Variants in ZBTB7C observed in about 807,000 individuals in gnomAD.
ZBTB7C encodes the protein zinc finger and BTB domain-containing protein 7C.
ZBTB7C carries 8 observed loss-of-function variants against 25.7 expected under a neutral mutation model. The ratio of observed to expected loss-of-function variants is 0.31; its 90% CI spans 0.18 to 0.56. The LOEUF (loss-of-function observed/expected upper bound fraction) is 0.56. Among genes scored for constraint, ZBTB7C ranks in the 20% least tolerant of loss-of-function variants. The pLI, the probability that ZBTB7C is intolerant of heterozygous loss-of-function variation, is 0.91. For missense variants in ZBTB7C, 824 were observed against 855.2 expected, an observed-to-expected ratio of 0.96 and a Z score of 0.46; for synonymous variants, 394 against 369.0, an observed-to-expected ratio of 1.07 and a Z score of -0.78.
intron 3 of ZBTB7C, among the ~76,000 whole-genome samples, chr18:48,062,993 T>G (rs1054302393): frequency 6.6e-6 from 1 of 152,222 alleles, no homozygotes; most frequent in Admixed American, 6.5e-5. Flanking sequence ...ATCAGTGGGA[T>G]GGAGAAAGTC....
intron 2 of ZBTB7C, among the ~76,000 whole-genome samples, chr18:48,336,591 G>T (rs1261742616): frequency 6.6e-6 from 1 of 152,110 alleles, no homozygotes; most frequent in Non-Finnish European, 1.5e-5. Flanking sequence ...CACAGTGCTC[G>T]GTGCACAACA....
At chr18:48,366,174 C>G (rs2047217261) in intron 1 of ZBTB7C, among the ~76,000 whole-genome samples, 1 of 152,218 alleles carries the variant, frequency 6.6e-6, no homozygotes, top group Non-Finnish European at 1.5e-5. Context: ...GGCAGATTAG[C>G]AGCCACACAG....
chr18:48,338,821 TA>T (rs2046519721), intron 1 of ZBTB7C, among the ~76,000 whole-genome samples: 1 of 150,930 alleles, frequency 6.6e-6, no homozygotes, highest in East Asian at 2.0e-4. Context: ...GAGATGTATA[TA>T]GAAGTGCAAG....
intron 2 of ZBTB7C, among the ~76,000 whole-genome samples, chr18:48,208,014 T>C (rs1429211064): frequency 2.2e-5 from 3 of 133,500 alleles, no homozygotes; most frequent in Non-Finnish European, 3.1e-5. Flanking sequence ...TTGGACACTT[T>C]ACTGAAAAGG....
At chr18:48,203,412 C>T (rs928141912) in intron 2 of ZBTB7C, 1 of 152,258 alleles carries the variant, frequency 6.6e-6, no homozygotes, top group Non-Finnish European at 1.5e-5. Context: ...TTCCTTAACT[C>T]ACCCTATGTG....
chr18:48,297,857 G>A (rs557585534), intron 2 of ZBTB7C, among the ~76,000 whole-genome samples: 1 of 152,174 alleles, frequency 6.6e-6, no homozygotes, highest in African/African-American at 2.4e-5. Context: ...CTCTGAGGTG[G>A]TCCTGTATGA....
At chr18:48,193,478 A>G (rs2042246852) in intron 2 of ZBTB7C, among the ~76,000 whole-genome samples, 1 of 152,220 alleles carries the variant, frequency 6.6e-6, no homozygotes, top group South Asian at 2.1e-4. Context: ...CCATCCAAAA[A>G]AAAACCTGAT....
chr18:48,094,706 G>A (rs1290346995), intron 3 of ZBTB7C, among the ~76,000 whole-genome samples: 2 of 152,086 alleles, frequency 1.3e-5, no homozygotes, highest in Admixed American at 1.3e-4. Flanking sequence ...TGGTTACTTG[G>A]GGTACACTTA....
chr18:48,297,538 G>A (rs111482165), intron 2 of ZBTB7C, among the ~76,000 whole-genome samples: 76 of 152,206 alleles, frequency 5.0e-4, no homozygotes, highest in African/African-American at 1.6e-3. Context: ...GGTGGGATGT[G>A]CTGCCATGTT....
At chr18:48,117,523 C>T (rs1268286296) in intron 3 of ZBTB7C, among the ~76,000 whole-genome samples, 3 of 152,178 alleles carry the variant, frequency 2.0e-5, no homozygotes, top group Admixed American at 2.0e-4. Flanking sequence ...AGGCAGGTTA[C>T]TTGACCTCTC....
chr18:48,190,631 A>G (rs902199434), intron 2 of ZBTB7C, among the ~76,000 whole-genome samples: 9 of 152,208 alleles, frequency 5.9e-5, no homozygotes, highest in African/African-American at 2.2e-4. Context: ...GGGAACAGCC[A>G]CTAGACAGGA....
chr18:48,089,526 G>T (rs2038329818), intron 3 of ZBTB7C, among the ~76,000 whole-genome samples: 1 of 150,056 alleles, frequency 6.7e-6, no homozygotes, highest in Non-Finnish European at 1.5e-5. Flanking sequence ...TGGGGCCCTA[G>T]ATTTCCAGTT....
chr18:48,222,566 A>G (rs7240208), intron 2 of ZBTB7C, among the ~76,000 whole-genome samples: 13,132 of 152,204 alleles, frequency 0.086, 706 homozygotes, highest in African/African-American at 0.14. Flanking sequence ...AATTAAGCTC[A>G]TGGAAGCTCG....
intron 3 of ZBTB7C, among the ~76,000 whole-genome samples, chr18:48,121,008 C>T (rs1257062373): frequency 6.6e-6 from 1 of 152,196 alleles, no homozygotes; most frequent in African/African-American, 2.4e-5. Flanking sequence ...GCCAGGACTC[C>T]AGGGCAGGCA....
chr18:48,288,756 C>A (rs1043719734), intron 2 of ZBTB7C, among the ~76,000 whole-genome samples: 2 of 152,166 alleles, frequency 1.3e-5, no homozygotes, highest in African/African-American at 4.8e-5. Flanking sequence ...TGTCTCTGAA[C>A]CAGAAAGCCC....
intron 3 of ZBTB7C, among the ~76,000 whole-genome samples, chr18:48,105,693 A>T (rs1286229316): frequency 6.6e-6 from 1 of 152,166 alleles, no homozygotes; most frequent in Non-Finnish European, 1.5e-5. Context: ...CAAAACAAAA[A>T]AAAGGTAGAT....
chr18:48,209,562 C>T (rs2042655044), intron 2 of ZBTB7C, among the ~76,000 whole-genome samples: 1 of 151,962 alleles, frequency 6.6e-6, no homozygotes, highest in African/African-American at 2.4e-5. Context: ...CAAGACCAGC[C>T]CAGGCAACAT....
intron 2 of ZBTB7C, among the ~76,000 whole-genome samples, chr18:48,222,964 G>A (rs2042998669): frequency 6.6e-6 from 1 of 152,218 alleles, no homozygotes; most frequent in South Asian, 2.1e-4. Context: ...CCCTGGAGCT[G>A]TGTGGCCCTG....
At chr18:48,204,468 C>T (rs1288435099) in intron 2 of ZBTB7C, among the ~76,000 whole-genome samples, 1 of 152,150 alleles carries the variant, frequency 6.6e-6, no homozygotes, top group East Asian at 1.9e-4. Flanking sequence ...CGCTGGGAGA[C>T]AAGGCCCATG....
Sources: gnomAD v4.1 joint callset for allele counts (sites outside exome capture counted in the v4.1 genomes callset) on GRCh38, gnomAD v4.1.1 for gene constraint, MANE v1.5 for transcripts, NCBI Gene and HGNC (gene_info 2026-07-23, HGNC 2026-07-21) for gene names.